The following PPP2R2D variants were observed in gnomAD, a reference collection of about 807,000 sequenced individuals.
PPP2R2D encodes the protein protein phosphatase 2 regulatory subunit Bdelta.
PPP2R2D carries 9 observed loss-of-function variants against 31.1 expected under a neutral mutation model. The ratio of observed to expected loss-of-function variants is 0.29; its 90% CI spans 0.17 to 0.51. The LOEUF (loss-of-function observed/expected upper bound fraction) is 0.51, where lower values mean the gene tolerates loss of function less well. PPP2R2D is among the 20% of genes least tolerant of loss of function. The pLI, the probability that PPP2R2D is intolerant of heterozygous loss-of-function variation, is 0.98. For missense variants in PPP2R2D, 391 were observed against 465.6 expected (o/e 0.84, Z 1.48); for synonymous variants, 179 against 172.6 (o/e 1.04, Z -0.29).
In PPP2R2D at chr10:131,956,615, G is replaced by A. The variant is rs1436021039; in HGVS notation, c.*652G>A. 1 of 954,212 alleles carries A rather than the reference G, an allele frequency of 1.0e-6. No individual in the cohort carries two copies. The highest frequency in any genetic ancestry group is 1.2e-6 in the Non-Finnish European group (1 of 801,776). 59.1% of individuals were successfully genotyped at this position (954,212 alleles called of 1,614,324 possible). A position where few individuals can be genotyped will look rare whatever the true frequency, so the allele number is the denominator to read the frequency against. ...TGAAGTTATGCAGGGTTCTTCTTTG[G>A]AACTAACTGTTTGAGAAATGTGTGT... On this transcript the variant is annotated 3_prime_UTR_variant, in exon 9 of 9. Transcript: ENST00000455566.
intron 8 of PPP2R2D, among the ~76,000 whole-genome samples, chr10:131,948,938 T>A (rs1443609736): frequency 2.0e-5 from 3 of 152,196 alleles, no homozygotes; most frequent in African/African-American, 7.2e-5. Context: ...AGCACTGCCC[T>A]GAGAAGTGGA....
intron 3 of PPP2R2D, among the ~76,000 whole-genome samples, chr10:131,937,978 CCT>C (rs2119821637): frequency 6.7e-6 from 1 of 149,818 alleles, no homozygotes; most frequent in Non-Finnish European, 1.5e-5. Flanking sequence ...GCAGGAATGC[CCT>C]GCCTGTCAGA....
chr10:131,901,295 A>T lies in PPP2R2D; in HGVS notation c.65A>T (p.Gln22Leu). The change falls in exon 2 of 9, where the codon CAG (glutamine) becomes CTG (leucine). Residue 22 changes from glutamine (Q) to leucine (L), a missense_variant. This residue lies in a region of PPP2R2D where 105 missense variants were observed against 98.5 expected (regional missense o/e 1.07). Coordinates refer to ENST00000455566, the MANE Select transcript of PPP2R2D (RefSeq NM_018461.5). ...GGNDFQWCFS[Q>L]VKGAIDEDVA... ...AACGACTTCCAGTGGTGCTTCTCGC[A>T]GGTCAAGGGGGCCATCGACGAGGAC... is the stretch of plus-strand genomic sequence containing the variant. The T allele has an allele frequency of 2.8e-6, 1 of 357,952 alleles. No individual in the cohort carries two copies. Among genetic ancestry groups the T allele is most frequent in the Non-Finnish European group, 5.0e-6 (1 of 200,058 alleles). The allele number at this position is 357,952 out of a possible 1,614,324, so 22.2% of individuals were successfully genotyped here.
chr10:131,907,580 A>G (rs1038410378), intron 2 of PPP2R2D, among the ~76,000 whole-genome samples: 2 of 152,058 alleles, frequency 1.3e-5, no homozygotes, highest in Non-Finnish European at 2.9e-5. Context: ...CTCTACTAAA[A>G]AAAATACAAA....
chr10:131,957,442 G>A lies in PPP2R2D; in HGVS notation c.*1479G>A. ...TGCTGATCCCCCATCCCATCCCCCT[G>A]TCTAGATGAAGGTGTGTGCTGATTC... On this transcript the variant is annotated 3_prime_UTR_variant, in exon 9 of 9. Transcript: ENST00000455566. 2 of 175,190 alleles carry A rather than the reference G, an allele frequency of 1.1e-5. No homozygotes were observed. The highest frequency in any genetic ancestry group is 6.6e-5 in the Admixed American group (1 of 15,184). The allele number at this position is 175,190 out of a possible 1,614,324, so 10.9% of individuals were successfully genotyped here.
At chr10:131,930,647 T>C (rs1030495808) in intron 2 of PPP2R2D, among the ~76,000 whole-genome samples, 1 of 152,250 alleles carries the variant, frequency 6.6e-6, no homozygotes, top group African/African-American at 2.4e-5. Context: ...GCCATCTGAC[T>C]CCCTTCCTCT....
At chr10:131,954,814 G>A (rs924038425) in intron 8 of PPP2R2D, among the ~76,000 whole-genome samples, 9 of 152,218 alleles carry the variant, frequency 5.9e-5, no homozygotes, top group East Asian at 1.9e-4. Flanking sequence ...GGGGCAGGAC[G>A]TGAGGGCGCG....
intron 2 of PPP2R2D, among the ~76,000 whole-genome samples, chr10:131,907,216 A>G (rs2035605822): frequency 6.6e-6 from 1 of 151,808 alleles, no homozygotes; most frequent in East Asian, 1.9e-4. Context: ...TTTGGTCTTA[A>G]TGGGACATGG....
intron 2 of PPP2R2D, among the ~76,000 whole-genome samples, chr10:131,932,368 G>A (rs1219560097): frequency 6.6e-6 from 1 of 152,142 alleles, no homozygotes; most frequent in Non-Finnish European, 1.5e-5. Context: ...CCATGGTGAA[G>A]TTTATGGTAG....
At chr10:131,971,303 G>T in the PPP2R2D span, 1 of 329,336 alleles carries the variant, frequency 3.0e-6, no homozygotes, top group East Asian at 7.3e-5. Flanking sequence ...TGACATGAGG[G>T]CAAAGATGGT....
chr10:131,906,562 TC>T (rs2035587333), intron 2 of PPP2R2D, among the ~76,000 whole-genome samples: 1 of 152,104 alleles, frequency 6.6e-6, no homozygotes. Context: ...ACATTTTAAG[TC>T]GCAGAAAGGT....
At chr10:131,907,744 A>C (rs2035619807) in intron 2 of PPP2R2D, among the ~76,000 whole-genome samples, 1 of 109,346 alleles carries the variant, frequency 9.1e-6, no homozygotes, top group East Asian at 4.8e-4. Flanking sequence ...ACTCCATATC[A>C]AAAAAAAAAA....
chr10:131,954,038 C>T (rs75966936), intron 8 of PPP2R2D, among the ~76,000 whole-genome samples: 9 of 152,272 alleles, frequency 5.9e-5, no homozygotes, highest in East Asian at 5.8e-4. Flanking sequence ...CCTGATTCTC[C>T]GTGTGGCAGC....
chr10:131,907,574 A>G (rs941135471), intron 2 of PPP2R2D, among the ~76,000 whole-genome samples: 8 of 152,038 alleles, frequency 5.3e-5, no homozygotes, highest in Non-Finnish European at 1.0e-4. Flanking sequence ...CCCCGTCTCT[A>G]CTAAAAAAAA....
intron 8 of PPP2R2D, among the ~76,000 whole-genome samples, chr10:131,951,440 A>G (rs1326845797): frequency 2.0e-5 from 3 of 152,264 alleles, no homozygotes; most frequent in Non-Finnish European, 4.4e-5. Flanking sequence ...TCTCACAAAG[A>G]TAATCCACAA....
chr10:131,955,530 C>T (rs1326213416), intron 8 of PPP2R2D, among the ~76,000 whole-genome samples, 154 bp from the exon 9 acceptor site: 2 of 152,138 alleles, frequency 1.3e-5, no homozygotes, highest in East Asian at 3.9e-4. Flanking sequence ...CTGCATTTCT[C>T]TTCTGCCCAT....
rs182640176 is a variant in PPP2R2D at position 131,951,755 on chromosome 10, G to C, written c.1083-3929G>C. 4.8e-3 allele frequency among the ~76,000 whole-genome samples: 736 copies of C among 152,286 alleles called. 17 individuals carry two copies. The highest frequency in any genetic ancestry group is 6.5e-4 in the Admixed American group (10 of 15,292). On this transcript the variant is annotated intron_variant, in intron 8 of 8. Coordinates refer to ENST00000455566, the MANE Select transcript of PPP2R2D (RefSeq NM_018461.5). ...GAATCGCTTGAACCTTGGAGGTGGAGGTTGCAGTAAGCTGAGATTGTGCCA... is the reference window on the plus strand; with the variant it reads ...GAATCGCTTGAACCTTGGAGGTGGACGTTGCAGTAAGCTGAGATTGTGCCA...
chr10:131,968,793 T>C, the PPP2R2D span: 4 of 421,806 alleles, frequency 9.5e-6, no homozygotes, highest in Middle Eastern at 6.1e-4. Flanking sequence ...GATCGTATTC[T>C]TACATAGAAG....
At chr10:131,951,317 C>T (rs2036631478) in intron 8 of PPP2R2D, among the ~76,000 whole-genome samples, 1 of 152,200 alleles carries the variant, frequency 6.6e-6, no homozygotes, top group Non-Finnish European at 1.5e-5. Context: ...CAACTGGAGA[C>T]AGCCCACAGG....
Sources: gnomAD v4.1 joint callset for allele counts (sites outside exome capture counted in the v4.1 genomes callset) on GRCh38, gnomAD v4.1.1 for gene constraint, gnomAD v4.1.1 regional missense constraint, MANE v1.5 for transcripts, NCBI Gene and HGNC (gene_info 2026-07-23, HGNC 2026-07-21) for gene names.